GFM1: variants seen among roughly 807,000 people sequenced by gnomAD.
GFM1 encodes the protein elongation factor G, mitochondrial.
GFM1 carries 62 observed loss-of-function variants against 96.2 expected under a neutral mutation model. That is an observed-to-expected ratio of 0.64 (90% CI 0.53 to 0.80). The LOEUF is 0.80. Ranked by LOEUF, GFM1 falls within the 30% of genes least tolerant of loss-of-function variation. The pLI is 0.00. For synonymous variants in GFM1, 282 were observed against 312.9 expected, an observed-to-expected ratio of 0.90 and a Z score of 1.04; for missense variants, 852 against 916.6, an observed-to-expected ratio of 0.93 and a Z score of 0.91.
rs1414930907 is a variant in GFM1 at position 158,694,134 on chromosome 3, A to G, written c.*2667A>G. ...ATTATAAAGACACATGCATGCACACATTCATTGCAGAACTGTTCATAATGG... is the reference window on the plus strand; with the variant it reads ...ATTATAAAGACACATGCATGCACACGTTCATTGCAGAACTGTTCATAATGG... On this transcript the variant is annotated 3_prime_UTR_variant, in exon 18 of 18. Coordinates refer to ENST00000486715, the MANE Select transcript of GFM1 (RefSeq NM_024996.7). 2.6e-5 allele frequency among the ~76,000 whole-genome samples: 4 copies of G among 152,160 alleles called. No individual in the cohort carries two copies. Among genetic ancestry groups the G allele is most frequent in the Non-Finnish European group, 4.4e-5 (3 of 68,030 alleles).
intron 1 of GFM1, 119 bp from the exon 2 acceptor site, chr3:158,645,510 A>G (rs1414165461): frequency 1.2e-6 from 1 of 867,144 alleles, no homozygotes; most frequent in African/African-American, 1.7e-5. Context: ...TGCCTTTCTC[A>G]AGCTATCTCA....
intron 13 of GFM1, among the ~76,000 whole-genome samples, chr3:158,674,142 G>A (rs1576773110): frequency 2.0e-5 from 3 of 148,902 alleles, no homozygotes; most frequent in East Asian, 2.0e-4. Context: ...GTGCAGTGGC[G>A]TGATCTCGGC....
chr3:158,651,043 AAAG>A (rs1722261400), intron 5 of GFM1: 1 of 151,538 alleles, frequency 6.6e-6, no homozygotes, highest in African/African-American at 2.4e-5. Context: ...AAAAAAAAAA[AAAG>A]AAATACCTTG....
rs1222901022 is a variant in GFM1, at chr3:158,646,268, A to C, written c.338A>C (p.Asp113Ala). Reference protein sequence around the residue: ...QSAATYTMWKDVNINIIDTPG... With the variant: ...QSAATYTMWKAVNINIIDTPG... ...GCAGCCACTTACACCATGTGGAAAG[A>C]TGTCAATATTAACATTATAGATACT... Residue 113 changes from aspartate to alanine, a missense_variant, in exon 3 of 18, where the codon GAT becomes GCT. By Grantham distance (126) the Asp-to-Ala change is moderately radical. Coordinates refer to ENST00000486715, the MANE Select transcript of GFM1 (RefSeq NM_024996.7). 1 of 1,614,006 alleles carries C rather than the reference A, an allele frequency of 6.2e-7. No individual in the cohort carries two copies. The highest frequency in any genetic ancestry group is 2.2e-5 in the East Asian group (1 of 44,900).
chr3:158,646,296 T>C lies in GFM1; in HGVS notation c.366T>C (p.Pro122=). 7 of 1,614,136 alleles carry C rather than the reference T, an allele frequency of 4.3e-6. No individual in the cohort carries two copies. The highest frequency in any genetic ancestry group is 5.1e-6 in the Non-Finnish European group (6 of 1,179,982). The change falls in exon 3 of 18, where the codon CCT becomes CCC. Residue 122 remains proline, a splice_region_variant and synonymous_variant. Transcript: ENST00000486715. ...TCAATATTAACATTATAGATACTCC[T>C]GGTGAGTTGGATTCTTGGTTTTATT... ...KDVNINIIDT[P]GHVDFTIEVE... is the part of the protein sequence containing the mutation.
intron 9 of GFM1, 55 bp downstream of exon 9, chr3:158,659,114 C>T: frequency 6.3e-7 from 1 of 1,587,344 alleles, no homozygotes. Context: ...GTGAAATAGA[C>T]CCTTCTTGGT....
rs1010938694 is a variant in GFM1, at chr3:158,682,010, T to C, written c.1617T>C (p.His539=). 18 of 1,612,966 alleles carry C rather than the reference T, an allele frequency of 1.1e-5. No individual in the cohort carries two copies. Among genetic ancestry groups the C allele is most frequent in the Non-Finnish European group, 1.4e-5 (17 of 1,179,522 alleles). Residue 539 remains histidine, a synonymous_variant, in exon 14 of 18, where the codon CAT becomes CAC. Transcript: ENST00000486715. ...ITAPVPFDFT[H]KKQSGGAGQY... is the part of the protein sequence containing the mutation. ...TCACTTTCAGGTTTGACTTTACACA[T>C]AAAAAACAATCAGGTGGTGCAGGCC...
chr3:158,674,498 G>A (rs976750701), intron 13 of GFM1, among the ~76,000 whole-genome samples: 6 of 152,126 alleles, frequency 3.9e-5, no homozygotes, highest in African/African-American at 1.4e-4. Context: ...ATTTACCAAA[G>A]AATTGGTGAA....
intron 13 of GFM1, among the ~76,000 whole-genome samples, chr3:158,681,470 T>C (rs1483311708): frequency 6.6e-6 from 1 of 152,242 alleles, no homozygotes; most frequent in African/African-American, 2.4e-5. Context: ...TTAGTCTCTA[T>C]CGTTTTGCCA....
rs1487609346 is a variant in GFM1, at chr3:158,691,423, G to A, written c.2212G>A (p.Ala738Thr). ...QEDVINKYLE[A>T]TGQLPVKKGK... The stretch of plus-strand genomic sequence containing the variant: ...AGACGTCATTAATAAGTATTTGGAA[G>A]CTACAGGTCAACTTCCTGTTAAAAA... Residue 738 changes from alanine (A) to threonine (T), a missense_variant, in exon 18 of 18, where the codon GCT becomes ACT. Transcript: ENST00000486715. The A allele has an allele frequency of 6.2e-7, 1 of 1,613,732 alleles. No individual in the cohort carries two copies. Among genetic ancestry groups the A allele is most frequent in the Non-Finnish European group, 8.5e-7 (1 of 1,179,872 alleles).
chr3:158,690,622 A>C (rs1449420302), intron 16 of GFM1: 4 of 373,646 alleles, frequency 1.1e-5, no homozygotes, highest in Non-Finnish European at 1.5e-5. Flanking sequence ...GATGTATATT[A>C]TCTCTCTCAT....
chr3:158,647,471 A>G (rs886561012), intron 4 of GFM1, among the ~76,000 whole-genome samples: 2 of 152,238 alleles, frequency 1.3e-5, no homozygotes, highest in Non-Finnish European at 2.9e-5. Flanking sequence ...ACAATATTAT[A>G]TATTTCACAA....
chr3:158,686,525 G>T (rs1028335630), intron 15 of GFM1, among the ~76,000 whole-genome samples: 14 of 149,800 alleles, frequency 9.3e-5, no homozygotes, highest in Non-Finnish European at 1.9e-4. Context: ...GAAAGCATGT[G>T]TAATGGTAAG....
intron 8 of GFM1, among the ~76,000 whole-genome samples, chr3:158,658,034 A>C (rs892384407): frequency 1.3e-5 from 2 of 152,072 alleles, no homozygotes; most frequent in African/African-American, 2.4e-5. Flanking sequence ...ATCATGTTTA[A>C]AATTTCCTGT....
intron 7 of GFM1, 55 bp downstream of exon 7, chr3:158,653,522 AC>A: frequency 7.8e-7 from 1 of 1,278,196 alleles, no homozygotes; most frequent in East Asian, 2.3e-5. Context: ...GTATTTATGC[AC>A]TGTGAAGGAA....
intron 8 of GFM1, chr3:158,655,850 A>G (rs1722705170): frequency 2.2e-6 from 1 of 457,292 alleles, no homozygotes; most frequent in Non-Finnish European, 4.4e-6. Context: ...GAAGGACCAC[A>G]GAAGGCCCAT....
Position 158,662,553 on chromosome 3 carries a change from A to AT in GFM1, c.1324-73dup. 9 of 847,302 alleles carry AT rather than the reference A, an allele frequency of 1.1e-5. No homozygotes were observed. In the South Asian group the frequency reaches 1.2e-4, roughly 11 times the overall value. The allele number at this position is 847,302 out of a possible 1,614,324, so 52.5% of individuals were successfully genotyped here. On this transcript the variant is annotated intron_variant, in intron 10 of 17. Transcript: ENST00000486715. Reference sequence around the variant, plus strand: ...CCTTTGTTCTGTTGTAAAGTGGCACATTAAAATTAATCTATCCCTGACCCA... The same window carrying AT: ...CCTTTGTTCTGTTGTAAAGTGGCACATTTAAAATTAATCTATCCCTGACCCA...
At chr3:158,687,885 G>A (rs1406778926) in intron 15 of GFM1, among the ~76,000 whole-genome samples, 2 of 151,916 alleles carry the variant, frequency 1.3e-5, no homozygotes, top group Admixed American at 6.6e-5. Flanking sequence ...AAATATAAAA[G>A]TCAGGTGAAA....
chr3:158,676,059 G>A (rs537713013), intron 13 of GFM1, among the ~76,000 whole-genome samples: 1 of 152,290 alleles, frequency 6.6e-6, no homozygotes, highest in African/African-American at 2.4e-5. Flanking sequence ...GATCGCTTGG[G>A]CCCAGGAGGT....
Sources: gnomAD v4.1 joint callset for allele counts (sites outside exome capture counted in the v4.1 genomes callset) on GRCh38, gnomAD v4.1.1 for gene constraint, MANE v1.5 for transcripts, NCBI Gene and HGNC (gene_info 2026-07-23, HGNC 2026-07-21) for gene names.